The following SMURF1 variants were observed in gnomAD, a reference collection of about 807,000 sequenced individuals.
SMURF1 encodes the protein SMAD specific E3 ubiquitin protein ligase 1.
In SMURF1, 44 loss-of-function variants were observed where a neutral mutation model predicts 98.0. The observed-to-expected ratio is 0.45, with a 90% CI of 0.35 to 0.58. The LOEUF is 0.58. Ranked by LOEUF, SMURF1 falls within the 20% of genes least tolerant of loss-of-function variation. The pLI is 0.00. For synonymous variants in SMURF1, 396 were observed against 374.9 expected, an observed-to-expected ratio of 1.06 and a Z score of -0.65; for missense variants, 687 against 938.4, an observed-to-expected ratio of 0.73 and a Z score of 3.50.
intron 1 of SMURF1, among the ~76,000 whole-genome samples, chr7:99,073,922 G>A (rs1796392973): frequency 1.3e-5 from 2 of 152,092 alleles, no homozygotes; most frequent in Admixed American, 6.6e-5. Flanking sequence ...CTGTTTGATT[G>A]TACTCAGTTT....
At chr7:99,057,592 T>G (rs765149658) in intron 3 of SMURF1, 41 bp from the exon 4 acceptor site, 20 of 1,411,454 alleles carry the variant, frequency 1.4e-5, no homozygotes, top group Admixed American at 3.0e-5. Context: ...TTGTGTTTGG[T>G]TTTTTTTGTT....
At chr7:99,057,106 C>T (rs754815622) in intron 5 of SMURF1, 99 bp downstream of exon 5, 20 of 1,289,604 alleles carry the variant, frequency 1.6e-5, no homozygotes, top group African/African-American at 1.2e-4. Flanking sequence ...CTCTGAGGCC[C>T]GTCAGCATCG....
At chr7:99,072,372 C>T (rs1034199312) in intron 1 of SMURF1, among the ~76,000 whole-genome samples, 1 of 152,096 alleles carries the variant, frequency 6.6e-6, no homozygotes, top group South Asian at 2.1e-4. Flanking sequence ...AATCCAAAGG[C>T]GGCCAGGCGT....
chr7:99,063,244 TATATATATATATATATATATATATATATA>T (rs1563012595), intron 1 of SMURF1, among the ~76,000 whole-genome samples: 315 of 14,508 alleles, frequency 0.022, 35 homozygotes, highest in South Asian at 0.041. Context: ...GATTTATTTA[TATATATATATATATATATATATATATATA>T]TATATATATA....
intron 1 of SMURF1, among the ~76,000 whole-genome samples, chr7:99,085,795 CT>C (rs1358834725): frequency 6.6e-6 from 1 of 152,222 alleles, no homozygotes; most frequent in African/African-American, 2.4e-5. Context: ...AATCTTTTAA[CT>C]GTCTCTACAG....
chr7:99,052,108 A>G, intron 7 of SMURF1, 97 bp downstream of exon 7: 1 of 1,448,906 alleles, frequency 6.9e-7, no homozygotes, highest in Non-Finnish European at 9.1e-7. Context: ...GCACTCCAGC[A>G]TGGGTGACAG....
chr7:99,139,210 T>C (rs1205924020), intron 1 of SMURF1, among the ~76,000 whole-genome samples: 5 of 152,224 alleles, frequency 3.3e-5, no homozygotes, highest in African/African-American at 1.2e-4. Flanking sequence ...ACCACAACTA[T>C]TTCACTCACA....
chr7:99,064,419 G>C (rs1016473609), intron 1 of SMURF1, among the ~76,000 whole-genome samples: 2 of 152,204 alleles, frequency 1.3e-5, no homozygotes, highest in Non-Finnish European at 2.9e-5. Flanking sequence ...TTCTTTGTGA[G>C]AAGTGTTTTA....
rs1562997789 is a variant in SMURF1, at chr7:99,037,196, A to C, written c.1689-9T>G. On this transcript the variant is annotated splice_polypyrimidine_tract_variant and intron_variant, in intron 14 of 17. Transcript: ENST00000361368. ...TCCAGTTTACATACAACCTGGAAGA[A>C]AAACTCGCAAGTTGGATGCAACACC... The C allele has an allele frequency of 4.3e-6, 7 of 1,613,778 alleles. No homozygotes were observed. Among genetic ancestry groups the C allele is most frequent in the Non-Finnish European group, 5.9e-6 (7 of 1,179,996 alleles).
chr7:99,054,087 A>G (rs540467428), intron 6 of SMURF1, among the ~76,000 whole-genome samples: 3 of 152,138 alleles, frequency 2.0e-5, no homozygotes, highest in African/African-American at 4.8e-5. Context: ...GCGTGCCACC[A>G]TGCCCAGCTA....
At chr7:99,133,447 A>C (rs568631332) in intron 1 of SMURF1, among the ~76,000 whole-genome samples, 1 of 152,296 alleles carries the variant, frequency 6.6e-6, no homozygotes, top group Non-Finnish European at 1.5e-5. Flanking sequence ...AGAAAAAAGA[A>C]AGTAGAACCA....
intron 1 of SMURF1, among the ~76,000 whole-genome samples, chr7:99,094,660 G>A (rs73147608): frequency 1.8e-4 from 27 of 146,572 alleles, no homozygotes; most frequent in South Asian, 2.1e-4. Context: ...GCAAGAAAAG[G>A]AAAAAAAAAA....
intron 1 of SMURF1, among the ~76,000 whole-genome samples, chr7:99,073,008 G>A (rs894759113): frequency 2.6e-5 from 4 of 152,150 alleles, no homozygotes; most frequent in Admixed American, 6.6e-5. Flanking sequence ...AGTTAGTGAC[G>A]GAGATAAGAA....
chr7:99,125,212 G>A (rs994902203), intron 1 of SMURF1, among the ~76,000 whole-genome samples: 8 of 152,040 alleles, frequency 5.3e-5, no homozygotes, highest in Admixed American at 2.6e-4. Flanking sequence ...CCAAGTAGCT[G>A]GAACTACAAG....
In SMURF1 at chr7:99,028,050, T is replaced by C. The variant is rs1383901731; in HGVS notation, c.*2534A>G. On this transcript the variant is annotated 3_prime_UTR_variant, in exon 18 of 18. Coordinates refer to ENST00000361368, the MANE Select transcript of SMURF1 (RefSeq NM_181349.3). ...GTTAGCTACATCCCTGAGTGTCGGC[T>C]GACGGCCGCTGGTGAGGGCAAGCCT... 6.6e-6 allele frequency: 1 copy of C among 152,612 alleles called. No individual in the cohort carries two copies. Among genetic ancestry groups the C allele is most frequent in the South Asian group, 2.1e-4 (1 of 4,820 alleles). The allele number at this position is 152,612 out of a possible 1,614,324, so 9.5% of individuals were successfully genotyped here. A position where few individuals can be genotyped will look rare whatever the true frequency, so the allele number is the denominator to read the frequency against.
intron 1 of SMURF1, among the ~76,000 whole-genome samples, chr7:99,129,529 T>G (rs368472445): frequency 2.0e-5 from 3 of 152,226 alleles, no homozygotes; most frequent in African/African-American, 7.2e-5. Context: ...TAGCTGGGAC[T>G]ACAGGTGTGC....
intron 3 of SMURF1, 72 bp downstream of exon 3, chr7:99,060,527 G>A: frequency 1.0e-6 from 1 of 981,382 alleles, no homozygotes. Context: ...TTTTCTCTTG[G>A]ATGTTTCTCG....
rs62472038 is a variant in SMURF1 at position 99,030,160 on chromosome 7, G to A, written c.*424C>T. On this transcript the variant is annotated 3_prime_UTR_variant, in exon 18 of 18. Transcript: ENST00000361368. ...GCTCAAATTGAAAAGGGGCCTCAAG[G>A]CTGTTTTGAGATGGAATAGCTGGCA... 0.012 allele frequency: 1,965 copies of A among 162,958 alleles called. 10 individuals carry two copies. Among genetic ancestry groups the A allele is most frequent in the Non-Finnish European group, 0.019 (1,405 of 74,106 alleles). 10.1% of individuals were successfully genotyped at this position (162,958 alleles called of 1,614,324 possible).
intron 1 of SMURF1, among the ~76,000 whole-genome samples, chr7:99,083,537 A>G (rs1796614140): frequency 6.6e-6 from 1 of 152,256 alleles, no homozygotes; most frequent in Non-Finnish European, 1.5e-5. Flanking sequence ...TCACAAATAA[A>G]TAACCTACCC....
Sources: gnomAD v4.1 joint callset for allele counts (sites outside exome capture counted in the v4.1 genomes callset) on GRCh38, gnomAD v4.1.1 for gene constraint, MANE v1.5 for transcripts, NCBI Gene and HGNC (gene_info 2026-07-23, HGNC 2026-07-21) for gene names.